Variants in TLN1 observed in about 807,000 individuals in gnomAD.
TLN1 encodes talin-1.
TLN1 carries 56 observed loss-of-function variants against 292.3 expected under a neutral mutation model. The observed-to-expected ratio is 0.19, with a 90% CI of 0.15 to 0.24. TLN1 has a LOEUF of 0.24. Ranked by LOEUF, TLN1 falls within the 10% of genes least tolerant of loss-of-function variation. TLN1 has a pLI of 1.00. For missense variants in TLN1, 2,433 were observed against 3,248.2 expected (o/e 0.75, Z 6.10); for synonymous variants, 1,119 against 1,253.7 (o/e 0.89, Z 2.27).
rs1825586903 is a variant in TLN1 at position 35,707,507 on chromosome 9, C to A, written c.4633-19G>T. 1 of 1,612,590 alleles carries A rather than the reference C, an allele frequency of 6.2e-7. No homozygotes were observed. Among genetic ancestry groups the A allele is most frequent in the African/African-American group, 1.3e-5 (1 of 74,872 alleles). ...CTAGCGCCTAGAAGTGACAGAGAGG[C>A]TCTCAGGACTTGGGATGCAGTCATA... On this transcript the variant is annotated intron_variant, in intron 35 of 56. Coordinates refer to ENST00000314888, the MANE Select transcript of TLN1 (RefSeq NM_006289.4). This position sits in a 1 kb window ranked among gnomAD's most constrained non-coding sequence, Gnocchi z 5.6.
chr9:35,713,117 TC>T, intron 26 of TLN1, 74 bp from the exon 27 acceptor site: 1 of 1,571,782 alleles, frequency 6.4e-7, no homozygotes, highest in Non-Finnish European at 8.7e-7. Flanking sequence ...GTTTCGTCTG[TC>T]AGTCCCATCC....
At chr9:35,710,222 C>CAAAAAAA (rs68036045) in intron 33 of TLN1, among the ~76,000 whole-genome samples, 5 of 67,166 alleles carry the variant, frequency 7.4e-5, no homozygotes, top group African/African-American at 1.2e-4. Flanking sequence ...AACGCTGTCT[C>CAAAAAAA]AAAAAAAAAA....
In TLN1 at chr9:35,710,872, G is replaced by C. The variant is rs1304902390; in HGVS notation, c.4128C>G (p.Leu1376=). ...TGATGGGCTGGACTGGGTTCTCCAG[G>C]AGTTCCCGGACCGTCTGTGTAGGGG... The part of the protein sequence containing the change: ...ALRELETVRE[L]LENPVQPIND... The change falls in exon 32 of 57, where the codon CTC becomes CTG. Residue 1376 remains leucine, a synonymous_variant. Coordinates refer to ENST00000314888, the MANE Select transcript of TLN1 (RefSeq NM_006289.4). 1 of 1,614,214 alleles carries C rather than the reference G, an allele frequency of 6.2e-7. No homozygotes were observed. The highest frequency in any genetic ancestry group is 1.7e-5 in the Admixed American group (1 of 60,036).
chr9:35,721,559 T>C, intron 10 of TLN1, 89 bp downstream of exon 10: 1 of 1,443,030 alleles, frequency 6.9e-7, no homozygotes, highest in Non-Finnish European at 9.4e-7. Context: ...ATACTCAGTA[T>C]ACTTACCCCA....
At position 35,697,625 on chromosome 9, in the gene TLN1, G is replaced by C; in HGVS notation, c.*166C>G. 1 of 1,002,174 alleles carries C rather than the reference G, an allele frequency of 1.0e-6. No individual in the cohort carries two copies. 62.1% of individuals were successfully genotyped at this position (1,002,174 alleles called of 1,614,324 possible). ...CATGAAGGCACTTGGGGTTGGGGAG[G>C]GGACAGGGGATGTACTGCGGGACTG... On this transcript the variant is annotated 3_prime_UTR_variant, in exon 57 of 57. Transcript: ENST00000314888.
chr9:35,713,139 TC>T, intron 26 of TLN1, 56 bp downstream of exon 26: 2 of 1,575,148 alleles, frequency 1.3e-6, no homozygotes, highest in East Asian at 2.3e-5. Flanking sequence ...CTCATCCAGC[TC>T]CCATTTTCCT....
rs372804601 is a variant in TLN1, at chr9:35,717,451, A to G, written c.2164-11T>C. 3 of 1,608,166 alleles carry G rather than the reference A, an allele frequency of 1.9e-6. No individual in the cohort carries two copies. Among genetic ancestry groups the G allele is most frequent in the East Asian group, 2.2e-5 (1 of 44,722 alleles). Reference sequence around the variant, plus strand: ...TGTAGGTGCCACCACCTGTAGGTAAAGTGAATGTCAGAGACGTAGGCAAGG... The same window carrying G: ...TGTAGGTGCCACCACCTGTAGGTAAGGTGAATGTCAGAGACGTAGGCAAGG... On this transcript the variant is annotated splice_polypyrimidine_tract_variant and intron_variant, in intron 18 of 56. Transcript: ENST00000314888. The surrounding 1 kb of genome is among the most constrained non-coding windows in gnomAD (Gnocchi z 4.7).
At chr9:35,702,819 A>C (rs1184701741) in intron 48 of TLN1, among the ~76,000 whole-genome samples, 1 of 152,190 alleles carries the variant, frequency 6.6e-6, no homozygotes, top group African/African-American at 2.4e-5. Flanking sequence ...AGCAGAAGAA[A>C]GAATTTCAAA....
At chr9:35,728,548 C>T (rs1235905926) in intron 1 of TLN1, among the ~76,000 whole-genome samples, 4 of 152,212 alleles carry the variant, frequency 2.6e-5, no homozygotes, top group African/African-American at 9.7e-5. Context: ...AGATGCACCC[C>T]AGCCTAGGCA....
In TLN1 at chr9:35,719,647, C is replaced by T. The variant is rs1825846608; in HGVS notation, c.1579-20G>A. On this transcript the variant is annotated intron_variant, in intron 14 of 56. Transcript: ENST00000314888. The surrounding 1 kb of genome is among the most constrained non-coding windows in gnomAD (Gnocchi z 4.6). ...AGAGGCCTGAAAGAGAGAGGAAAAG[C>T]CTTCAGGATCTGCCCTGGTTTGGTT... The T allele has an allele frequency of 6.2e-7, 1 of 1,613,238 alleles. No individual in the cohort carries two copies. The highest frequency in any genetic ancestry group is 1.7e-5 in the Admixed American group (1 of 60,026).
At chr9:35,722,012 T>C in intron 9 of TLN1, 107 bp downstream of exon 9, 1 of 1,215,134 alleles carries the variant, frequency 8.2e-7, no homozygotes, top group Admixed American at 1.8e-5. Context: ...ATGGGAATCT[T>C]AGGGAATGGT....
rs149157349 is a variant in TLN1, at chr9:35,712,905, C to G, written c.3491G>C (p.Ser1164Thr). The G allele has an allele frequency of 2.0e-4, 316 of 1,605,146 alleles. 4 individuals are homozygous for G. In the African/African-American group the frequency reaches 3.8e-3, roughly 19 times the overall value. ...TASDVLDKAS[S>T]LIEEAKKAAG... is the part of the protein sequence containing the mutation. ...TGCCTTTTTCGCCTCCTCAATGAGG[C>G]TGCTGGCCTTGTCCAGCACATCACT... is the stretch of plus-strand genomic sequence containing the variant. The change falls in exon 27 of 57, where the codon AGC becomes ACC. Residue 1164 changes from serine to threonine, a missense_variant. Ser to Thr is a moderately conservative substitution (Grantham distance 58, BLOSUM62 1). This residue lies in a region of TLN1 where 1,384 missense variants were observed against 1,699.6 expected (regional missense o/e 0.81). Coordinates refer to ENST00000314888, the MANE Select transcript of TLN1 (RefSeq NM_006289.4).
intron 1 of TLN1, among the ~76,000 whole-genome samples, chr9:35,731,853 G>T (rs2131918479): frequency 6.6e-6 from 1 of 151,776 alleles, no homozygotes. Flanking sequence ...GACTCCTCAC[G>T]CTCCCCAAAG....
intron 12 of TLN1, 76 bp downstream of exon 12, chr9:35,720,357 C>A: frequency 3.8e-6 from 6 of 1,562,360 alleles, no homozygotes; most frequent in Non-Finnish European, 5.3e-6. Flanking sequence ...GGACTCCCCA[C>A]CTCCCAAGAG....
In TLN1 at chr9:35,698,547, T is replaced by C. The variant is rs764698395; in HGVS notation, c.7189-42A>G. 20 of 1,613,902 alleles carry C rather than the reference T, an allele frequency of 1.2e-5. No homozygotes were observed. The South Asian group carries it at 2.0e-4, about 16-fold the overall frequency. On this transcript the variant is annotated intron_variant, in intron 54 of 56. Transcript: ENST00000314888. The surrounding 1 kb of genome is among the most constrained non-coding windows in gnomAD (Gnocchi z 5.3). ...TTGCTTAAAAATATGCCCCTTGCCC[T>C]GGTCCATCCCCACTCCAGCCTTCTC... is the stretch of plus-strand genomic sequence containing the variant.
intron 33 of TLN1, among the ~76,000 whole-genome samples, chr9:35,709,994 C>T (rs1341051309): frequency 2.8e-5 from 4 of 142,926 alleles, no homozygotes; most frequent in South Asian, 2.2e-4. Context: ...AGGTGGATCA[C>T]GAGTCAGGAT....
chr9:35,716,236 C>T (rs774832296), intron 20 of TLN1, among the ~76,000 whole-genome samples, 154 bp downstream of exon 20: 1 of 151,188 alleles, frequency 6.6e-6, no homozygotes, highest in Non-Finnish European at 1.5e-5. Context: ...TCACCCACAG[C>T]CTTGGGGCTC....
rs1389990010 is a variant in TLN1 at position 35,705,612 on chromosome 9, C to A, written c.5672G>T (p.Ser1891Ile). The A allele has an allele frequency of 1.2e-6, 2 of 1,607,980 alleles. No individual in the cohort carries two copies. The highest frequency in any genetic ancestry group is 1.7e-6 in the Non-Finnish European group (2 of 1,175,160). The part of the protein sequence containing the change: ...ELGPLANQLT[S>I]DYGRLASEAK... ...CTCCGAGGCCAGACGGCCATAGTCA[C>A]TGGTCAGCTGGTTAGCAAGAGGGCC... The change falls in exon 43 of 57, where the codon AGT becomes ATT. Residue 1891 changes from serine (S) to isoleucine (I), a missense_variant. Around this residue, in one of 7 missense-constraint regions of TLN1, gnomAD observed 1,384 missense variants for 1,699.6 expected, o/e 0.81. Coordinates refer to ENST00000314888, the MANE Select transcript of TLN1 (RefSeq NM_006289.4).
Position 35,724,326 on chromosome 9 carries a change from G to C in TLN1, c.520C>G (p.Leu174Val). 1 of 1,614,178 alleles carries C rather than the reference G, an allele frequency of 6.2e-7. No homozygotes were observed. Among genetic ancestry groups the C allele is most frequent in the South Asian group, 1.1e-5 (1 of 91,086 alleles). The change falls in exon 6 of 57, where the codon CTG (leucine) becomes GTG (valine). Residue 174 changes from leucine to valine, a missense_variant. Physicochemically the swap from Leu to Val is conservative, Grantham distance 32. Transcript: ENST00000314888. The surrounding 1 kb of genome is among the most constrained non-coding windows in gnomAD (Gnocchi z 4.7). Reference protein sequence around the residue: ...KLHTDDELNWLDHGRTLREQG... With the variant: ...KLHTDDELNWVDHGRTLREQG... Reference sequence around the variant, plus strand: ...TCCCTCAGTGTCCGACCATGGTCCAGCCAGTTCACTGGGATACAGACAGTC... The same window carrying C: ...TCCCTCAGTGTCCGACCATGGTCCACCCAGTTCACTGGGATACAGACAGTC...
Sources: gnomAD v4.1 joint callset for allele counts (sites outside exome capture counted in the v4.1 genomes callset) on GRCh38, gnomAD v4.1.1 for gene constraint, gnomAD v4.1.1 regional missense constraint, Gnocchi (gnomAD v3.1) non-coding constraint, MANE v1.5 for transcripts, NCBI Gene and HGNC (gene_info 2026-07-23, HGNC 2026-07-21) for gene names.